RNF180: variants seen among roughly 807,000 people sequenced by gnomAD.
RNF180 encodes the protein E3 ubiquitin-protein ligase RNF180.
RNF180 carries 38 observed loss-of-function variants against 59.2 expected under a neutral mutation model. The ratio of observed to expected loss-of-function variants is 0.64; its 90% CI spans 0.50 to 0.84. RNF180 has a LOEUF of 0.84. RNF180 is among the 40% of genes least tolerant of loss of function. The pLI, the probability that RNF180 is intolerant of heterozygous loss-of-function variation, is 0.00. For synonymous variants in RNF180, 262 were observed against 240.3 expected (o/e 1.09, Z -0.84); for missense variants, 705 against 700.9 (o/e 1.01, Z -0.07).
chr5:64,213,664 T>C lies in RNF180; in HGVS notation c.338T>C (p.Val113Ala). ...PKCSCGQLAA[V>A]HLSKSRTDYQ... ...TGTTCCTGTGGCCAGCTTGCAGCTG[T>C]ACATCTCTCCAAGAGCCGGACTGAT... The change falls in exon 4 of 8, where the codon GTA (valine) becomes GCA (alanine). Residue 113 changes from valine (V) to alanine (A), a missense_variant. Coordinates refer to ENST00000389100, the MANE Select transcript of RNF180 (RefSeq NM_001113561.2). The C allele has an allele frequency of 1.9e-6, 3 of 1,614,152 alleles. No homozygotes were observed. The highest frequency in any genetic ancestry group is 2.5e-6 in the Non-Finnish European group (3 of 1,179,998).
intron 1 of RNF180, among the ~76,000 whole-genome samples, chr5:64,182,249 C>T (rs1750636680): frequency 6.6e-6 from 1 of 151,976 alleles, no homozygotes; most frequent in Non-Finnish European, 1.5e-5. Context: ...CTTTGGCCTC[C>T]CAAAGTCCTG....
intron 7 of RNF180, among the ~76,000 whole-genome samples, chr5:64,358,032 G>C (rs1746099519): frequency 6.6e-6 from 1 of 151,838 alleles, no homozygotes; most frequent in Non-Finnish European, 1.5e-5. Flanking sequence ...AAACAGGTCA[G>C]ATTCAACTTC....
intron 7 of RNF180, among the ~76,000 whole-genome samples, chr5:64,356,111 T>G (rs1219831882): frequency 1.3e-5 from 2 of 151,530 alleles, no homozygotes; most frequent in Non-Finnish European, 2.9e-5. Context: ...CAAATTGTAA[T>G]TAGCTGAGCA....
At chr5:64,221,963 T>C (rs542464267) in intron 5 of RNF180, among the ~76,000 whole-genome samples, 29 of 152,320 alleles carry the variant, frequency 1.9e-4, no homozygotes, top group African/African-American at 6.7e-4. Context: ...TGTATTCAGA[T>C]TTATTTAGTT....
In RNF180 at chr5:64,325,390, T is replaced by C; in HGVS notation, c.1432T>C (p.Ser478Pro). The C allele has an allele frequency of 6.4e-7, 1 of 1,550,846 alleles. No homozygotes were observed. The highest frequency in any genetic ancestry group is 8.7e-7 in the Non-Finnish European group (1 of 1,146,156). Reference protein sequence around the residue: ...TPCPLCRTIISRVFFQTELNN... With the variant: ...TPCPLCRTIIPRVFFQTELNN... Reference sequence around the variant, plus strand: ...ATGCCCATTGTGTCGGACAATTATTTCTAGAGTCTTTTTCCAAACAGGTAA... The same window carrying C: ...ATGCCCATTGTGTCGGACAATTATTCCTAGAGTCTTTTTCCAAACAGGTAA... Residue 478 changes from serine (S) to proline (P), a missense_variant, in exon 6 of 8, where the codon TCT becomes CCT. Physicochemically the swap from Ser to Pro is moderately conservative, Grantham distance 74. Coordinates refer to ENST00000389100, the MANE Select transcript of RNF180 (RefSeq NM_001113561.2).
At chr5:64,184,933 G>A (rs1040106373) in intron 1 of RNF180, among the ~76,000 whole-genome samples, 11 of 152,088 alleles carry the variant, frequency 7.2e-5, no homozygotes, top group African/African-American at 2.7e-4. Flanking sequence ...TATTTTCATG[G>A]CTTTAGAGAA....
At chr5:64,322,590 A>T (rs1052428221) in intron 5 of RNF180, among the ~76,000 whole-genome samples, 1 of 132,118 alleles carries the variant, frequency 7.6e-6, no homozygotes, top group Admixed American at 8.2e-5. Context: ...TATATAACGG[A>T]ATATATATAT....
intron 1 of RNF180, among the ~76,000 whole-genome samples, chr5:64,169,199 C>T (rs574602940): frequency 2.0e-5 from 3 of 152,132 alleles, no homozygotes; most frequent in African/African-American, 7.2e-5. Context: ...TTGATCTCTT[C>T]GGGCCTAGTG....
At chr5:64,171,844 C>T (rs1164157832) in intron 1 of RNF180, among the ~76,000 whole-genome samples, 1 of 152,048 alleles carries the variant, frequency 6.6e-6, no homozygotes, top group African/African-American at 2.4e-5. Flanking sequence ...TCCACCCCGC[C>T]CCCCCACCAA....
chr5:64,222,289 G>GT (rs61199951), intron 5 of RNF180, among the ~76,000 whole-genome samples: 15,618 of 151,516 alleles, frequency 0.1, 897 homozygotes, highest in South Asian at 0.17. Flanking sequence ...TTCCAGCTAT[G>GT]TTTTTTTTTA....
In RNF180 at chr5:64,200,847, C is replaced by A. The variant is rs1751706080; in HGVS notation, c.40C>A (p.Gln14Lys). 1.9e-6 allele frequency: 3 copies of A among 1,611,324 alleles called. No individual in the cohort carries two copies. The highest frequency in any genetic ancestry group is 1.1e-5 in the South Asian group (1 of 90,998). The change falls in exon 2 of 8, where the codon CAA becomes AAA. Residue 14 changes from glutamine (Q) to lysine (K), a missense_variant. Transcript: ENST00000389100. ...SKELITKNHSQEETSILRCWK... is the reference protein window; with the variant it reads ...SKELITKNHSKEETSILRCWK... ...AGAATTGATAACTAAAAATCATAGT[C>A]AAGAGGAAACAAGTATTCTTCGTTG...
At chr5:64,183,704 G>A (rs749047405) in intron 1 of RNF180, among the ~76,000 whole-genome samples, 10 of 152,022 alleles carry the variant, frequency 6.6e-5, no homozygotes, top group African/African-American at 1.4e-4. Context: ...CGCCTTGGCC[G>A]CTGAAAGTGC....
intron 7 of RNF180, among the ~76,000 whole-genome samples, chr5:64,338,094 A>G (rs924226988): frequency 2.0e-5 from 3 of 152,202 alleles, no homozygotes; most frequent in Non-Finnish European, 4.4e-5. Context: ...GACTTCCACA[A>G]TGGTTGAAAT....
intron 5 of RNF180, among the ~76,000 whole-genome samples, chr5:64,246,561 G>A (rs1281718117): frequency 2.0e-5 from 3 of 152,110 alleles, no homozygotes; most frequent in Non-Finnish European, 2.9e-5. Flanking sequence ...ACTAAACCAG[G>A]AAGATATTCT....
At chr5:64,353,515 T>TA (rs1039825413) in intron 7 of RNF180, among the ~76,000 whole-genome samples, 2 of 151,616 alleles carry the variant, frequency 1.3e-5, no homozygotes, top group Admixed American at 6.6e-5. Flanking sequence ...GGAAACAAAA[T>TA]AAGAAATAAG....
intron 7 of RNF180, among the ~76,000 whole-genome samples, chr5:64,339,986 C>A (rs1745295811): frequency 1.3e-5 from 2 of 152,248 alleles, no homozygotes; most frequent in African/African-American, 4.8e-5. Flanking sequence ...ATACTAGTTG[C>A]ATGGATGACT....
chr5:64,197,756 T>A (rs1190775012), intron 1 of RNF180, among the ~76,000 whole-genome samples: 1 of 152,186 alleles, frequency 6.6e-6, no homozygotes, highest in Non-Finnish European at 1.5e-5. Flanking sequence ...TCAGTACCTT[T>A]TCGTGGCACA....
intron 5 of RNF180, among the ~76,000 whole-genome samples, chr5:64,305,382 G>A (rs1364253436): frequency 1.3e-5 from 2 of 151,276 alleles, no homozygotes; most frequent in African/African-American, 4.8e-5. Flanking sequence ...TTCTTCCTTT[G>A]TTGATGTTTG....
intron 5 of RNF180, among the ~76,000 whole-genome samples, chr5:64,250,482 G>A (rs1038353789): frequency 7.2e-5 from 11 of 151,868 alleles, no homozygotes; most frequent in African/African-American, 2.2e-4. Flanking sequence ...CCAAATATTG[G>A]GGGTTTTTTT....
Sources: allele counts gnomAD v4.1 joint callset (sites outside exome capture counted in the v4.1 genomes callset), GRCh38; gene constraint gnomAD v4.1.1; transcripts MANE v1.5; gene names NCBI Gene and HGNC (gene_info 2026-07-23, HGNC 2026-07-21).